STK32A: variants seen among roughly 807,000 people sequenced by gnomAD.
STK32A encodes the protein serine/threonine-protein kinase 32A.
A neutral mutation model predicts 53.2 loss-of-function variants in STK32A; 41 were observed. The observed-to-expected ratio is 0.77, with a 90% CI of 0.60 to 1.00. The LOEUF (loss-of-function observed/expected upper bound fraction) is 1.00, where lower values mean the gene tolerates loss of function less well. Among genes scored for constraint, STK32A ranks in the 50% least tolerant of loss-of-function variants. The probability of loss-of-function intolerance (pLI) is 0.00; values close to 1 mark genes in which losing one functional copy is unlikely to be tolerated. For synonymous variants in STK32A, 166 were observed against 162.8 expected (o/e 1.02, Z -0.15); for missense variants, 458 against 485.8 (o/e 0.94, Z 0.54).
At chr5:147,329,223 C>G (rs1754745065) in intron 5 of STK32A, among the ~76,000 whole-genome samples, 1 of 152,030 alleles carries the variant, frequency 6.6e-6, no homozygotes, top group Non-Finnish European at 1.5e-5. Flanking sequence ...TCATTGGAAC[C>G]AATAACTGAT....
At chr5:147,353,190 A>T (rs368454595) in intron 7 of STK32A, among the ~76,000 whole-genome samples, 1 of 152,210 alleles carries the variant, frequency 6.6e-6, no homozygotes, top group South Asian at 2.1e-4. Flanking sequence ...AGGAAAAGAT[A>T]GAAGGACGTG....
chr5:147,328,150 G>A lies in STK32A; in HGVS notation c.434+4079G>A, dbSNP rs74898188. Among the ~76,000 whole-genome samples, 1,378 of 152,306 alleles carry A rather than the reference G, an allele frequency of 9.0e-3. 23 individuals carry two copies. Among genetic ancestry groups the A allele is most frequent in the African/African-American group, 0.031 (1,295 of 41,566 alleles). On this transcript the variant is annotated intron_variant, in intron 5 of 12. Transcript: ENST00000397936. ...GAGGGTGTAAATGGGACTTTTAACA[G>A]CCAAAGCACACAGCAAGTCTAGCCT...
intron 4 of STK32A, among the ~76,000 whole-genome samples, chr5:147,280,478 G>A (rs1359047848): frequency 6.6e-6 from 1 of 151,800 alleles, no homozygotes; most frequent in Non-Finnish European, 1.5e-5. Context: ...CCGGCCCTTC[G>A]GTTTTCATGG....
intron 4 of STK32A, among the ~76,000 whole-genome samples, chr5:147,285,126 T>G (rs1162019768): frequency 6.6e-6 from 1 of 152,060 alleles, no homozygotes; most frequent in African/African-American, 2.4e-5. Flanking sequence ...TGGAACAGAA[T>G]AGAGAACACA....
At chr5:147,284,699 A>C (rs201515892) in intron 4 of STK32A, among the ~76,000 whole-genome samples, 2 of 59,180 alleles carry the variant, frequency 3.4e-5, no homozygotes, top group Non-Finnish European at 7.4e-5. Flanking sequence ...GACAAAACAA[A>C]AAAACAACAA....
intron 10 of STK32A, among the ~76,000 whole-genome samples, chr5:147,374,191 G>A (rs1160956863): frequency 6.6e-6 from 1 of 151,526 alleles, no homozygotes; most frequent in African/African-American, 2.4e-5. Context: ...AGGAGGCTGA[G>A]GTAGAAAGAT....
chr5:147,389,843 C>A (rs1757755419), downstream of STK32A, among the ~76,000 whole-genome samples: 1 of 152,014 alleles, frequency 6.6e-6, no homozygotes, highest in South Asian at 2.1e-4. Flanking sequence ...TGCACTCCAG[C>A]CTGGGCAACA....
chr5:147,269,059 C>G (rs1047299044), intron 2 of STK32A, among the ~76,000 whole-genome samples: 2 of 152,144 alleles, frequency 1.3e-5, no homozygotes, highest in African/African-American at 4.8e-5. Flanking sequence ...CTGCCACTTA[C>G]CTACTTTGTG....
At chr5:147,310,466 C>A (rs532435870) in intron 4 of STK32A, among the ~76,000 whole-genome samples, 1 of 152,246 alleles carries the variant, frequency 6.6e-6, no homozygotes, top group South Asian at 2.1e-4. Context: ...CCTGTCTCTC[C>A]GCTCTGGAGA....
rs1046718962 is a variant in STK32A, at chr5:147,375,423, G to T, written c.1032+205G>T. The T allele has an allele frequency of 3.8e-5, 18 of 476,410 alleles. 1 individual carries two copies. The Middle Eastern group carries it at 8.0e-3, about 211-fold the overall frequency. 29.5% of individuals were successfully genotyped at this position (476,410 alleles called of 1,614,324 possible). On this transcript the variant is annotated intron_variant, in intron 11 of 12. Transcript: ENST00000397936. ...GCAACATTTTACTTGTAGGCTTTCC[G>T]TCTAGAGTTCTGCCATTAACTTGAC...
At chr5:147,338,533 G>A (rs1381991973) in intron 5 of STK32A, among the ~76,000 whole-genome samples, 1 of 152,198 alleles carries the variant, frequency 6.6e-6, no homozygotes, top group Non-Finnish European at 1.5e-5. Context: ...TTGGAACTGG[G>A]TAACAGGCAG....
chr5:147,355,367 T>TA (rs1182290458), intron 7 of STK32A, among the ~76,000 whole-genome samples: 2 of 152,294 alleles, frequency 1.3e-5, no homozygotes, highest in East Asian at 3.9e-4. Context: ...CCAGATTACT[T>TA]AGAGTTAACC....
chr5:147,251,232 T>G (rs1413091405), intron 2 of STK32A, among the ~76,000 whole-genome samples: 1 of 152,128 alleles, frequency 6.6e-6, no homozygotes, highest in Non-Finnish European at 1.5e-5. Flanking sequence ...GCACTTGCTG[T>G]CTCCAAATTC....
At chr5:147,261,674 C>G (rs892359693) in intron 2 of STK32A, among the ~76,000 whole-genome samples, 1 of 152,160 alleles carries the variant, frequency 6.6e-6, no homozygotes, top group Non-Finnish European at 1.5e-5. Flanking sequence ...ATATCTAACA[C>G]TGAAGGAGGC....
chr5:147,349,674 A>G (rs1755864252), intron 6 of STK32A, among the ~76,000 whole-genome samples: 1 of 151,738 alleles, frequency 6.6e-6, no homozygotes, highest in South Asian at 2.1e-4. Context: ...CATTTAGTCT[A>G]CTCCTTCTTT....
intron 11 of STK32A, among the ~76,000 whole-genome samples, chr5:147,379,401 T>C (rs903722063): frequency 2.0e-5 from 3 of 152,230 alleles, no homozygotes; most frequent in Non-Finnish European, 4.4e-5. Context: ...TTTTGCATTT[T>C]TCGGGTGTCT....
chr5:147,321,196 A>G (rs929029043), intron 4 of STK32A, among the ~76,000 whole-genome samples: 5 of 152,238 alleles, frequency 3.3e-5, no homozygotes, highest in Admixed American at 6.5e-5. Context: ...AGCCATGATA[A>G]CCCACCAAAG....
At chr5:147,286,387 T>G (rs890405396) in intron 4 of STK32A, among the ~76,000 whole-genome samples, 1 of 152,160 alleles carries the variant, frequency 6.6e-6, no homozygotes, top group South Asian at 2.1e-4. Flanking sequence ...CTTACCCATG[T>G]AACCAAAACC....
intron 4 of STK32A, among the ~76,000 whole-genome samples, chr5:147,299,023 G>GA (rs1162458819): frequency 1.3e-5 from 2 of 152,110 alleles, no homozygotes; most frequent in African/African-American, 4.8e-5. Flanking sequence ...CATACCCCAA[G>GA]AGAGGGTTCT....
Sources: allele counts gnomAD v4.1 joint callset (sites outside exome capture counted in the v4.1 genomes callset), GRCh38; gene constraint gnomAD v4.1.1; transcripts MANE v1.5; gene names NCBI Gene and HGNC (gene_info 2026-07-23, HGNC 2026-07-21).